The following PNPLA7 variants were observed in gnomAD, a reference collection of about 807,000 sequenced individuals.
The protein encoded by PNPLA7 is patatin-like phospholipase domain-containing protein 7.
A neutral mutation model predicts 161.7 loss-of-function variants in PNPLA7; 153 were observed. The ratio of observed to expected loss-of-function variants is 0.95; its 90% CI spans 0.83 to 1.08. The LOEUF (loss-of-function observed/expected upper bound fraction) is 1.08. PNPLA7 is among the 50% of genes least tolerant of loss of function. The probability of loss-of-function intolerance (pLI) is 0.00; values close to 1 mark genes in which losing one functional copy is unlikely to be tolerated. For synonymous variants in PNPLA7, 809 were observed against 782.1 expected, an observed-to-expected ratio of 1.03 and a Z score of -0.57; for missense variants, 1,739 against 1,856.6, an observed-to-expected ratio of 0.94 and a Z score of 1.16.
Position 137,547,529 on chromosome 9 carries a change from G to A in PNPLA7, c.105+56C>T, listed in dbSNP as rs1376713518. 6.2e-7 allele frequency: 1 copy of A among 1,603,010 alleles called. No individual in the cohort carries two copies. Among genetic ancestry groups the A allele is most frequent in the Admixed American group, 1.7e-5 (1 of 60,004 alleles). ...AGCCAGGGGATGGGGACAGGGAGAG[G>A]TGAAAAAGGCCACGGCCCATCCAGG... On this transcript the variant is annotated intron_variant, in intron 2 of 34. Transcript: ENST00000406427. This position sits in a 1 kb window ranked among gnomAD's most constrained non-coding sequence, Gnocchi z 4.6.
chr9:137,479,413 C>A (rs1832098643), intron 23 of PNPLA7, 175 bp from the exon 24 acceptor site: 1 of 1,305,388 alleles, frequency 7.7e-7, no homozygotes, highest in Non-Finnish European at 9.7e-7. Flanking sequence ...GCTCTGACGG[C>A]AGGGGTCCAT....
chr9:137,540,879 G>A lies in PNPLA7; in HGVS notation c.667-157C>T. ...ACCTTGGATGGAGGGCAGGGGACAA[G>A]ATGGACCTGCTGGCATCAGGGGTAC... is the stretch of plus-strand genomic sequence containing the variant. On this transcript the variant is annotated intron_variant, in intron 7 of 34. Coordinates refer to ENST00000406427, the MANE Select transcript of PNPLA7 (RefSeq NM_001098537.3). The surrounding 1 kb of genome is among the most constrained non-coding windows in gnomAD (Gnocchi z 5.1). 1 of 637,180 alleles carries A rather than the reference G, an allele frequency of 1.6e-6. No individual in the cohort carries two copies. The highest frequency in any genetic ancestry group is 2.8e-6 in the Non-Finnish European group (1 of 355,776). The allele number at this position is 637,180 out of a possible 1,614,324, so 39.5% of individuals were successfully genotyped here.
chr9:137,460,791 C>A, intron 33 of PNPLA7, 54 bp from the exon 34 acceptor site: 2 of 1,510,520 alleles, frequency 1.3e-6, no homozygotes, highest in Non-Finnish European at 1.8e-6. Flanking sequence ...GGACCGTACC[C>A]AGCATAGCCA....
chr9:137,521,616 G>A lies in PNPLA7; in HGVS notation c.957+20C>T. On this transcript the variant is annotated intron_variant, in intron 10 of 34. Coordinates refer to ENST00000406427, the MANE Select transcript of PNPLA7 (RefSeq NM_001098537.3). ...GCTGCATGGAGCAGCATGGGGCTTTGTGAGGTGGTTTTCACTTACAGCGTT... is the reference window on the plus strand; with the variant it reads ...GCTGCATGGAGCAGCATGGGGCTTTATGAGGTGGTTTTCACTTACAGCGTT... 1 of 1,611,004 alleles carries A rather than the reference G, an allele frequency of 6.2e-7. No homozygotes were observed. Among genetic ancestry groups the A allele is most frequent in the African/African-American group, 1.3e-5 (1 of 74,972 alleles).
chr9:137,515,362 C>G lies in PNPLA7; in HGVS notation c.1225+17G>C. Reference sequence around the variant, plus strand: ...CCTGTGGGTCACACTGGCTGGGCAGCCGTCGAGGTTCTTTACCTTGTGGGG... The same window carrying G: ...CCTGTGGGTCACACTGGCTGGGCAGGCGTCGAGGTTCTTTACCTTGTGGGG... On this transcript the variant is annotated intron_variant, in intron 12 of 34. Transcript: ENST00000406427. 1 of 1,594,028 alleles carries G rather than the reference C, an allele frequency of 6.3e-7. No individual in the cohort carries two copies. Among genetic ancestry groups the G allele is most frequent in the East Asian group, 2.3e-5 (1 of 44,036 alleles).
In PNPLA7 at chr9:137,501,632, C is replaced by T; in HGVS notation, c.1551+18G>A. On this transcript the variant is annotated intron_variant, in intron 15 of 34. Coordinates refer to ENST00000406427, the MANE Select transcript of PNPLA7 (RefSeq NM_001098537.3). ...GGCATTGGGTGGTCCCAGTGCCCCC[C>T]CCCAGACCCCCGCTCACCTGGTCTC... is the stretch of plus-strand genomic sequence containing the variant. 1.9e-6 allele frequency: 3 copies of T among 1,609,952 alleles called. No individual in the cohort carries two copies. Among genetic ancestry groups the T allele is most frequent in the Middle Eastern group, 1.7e-4 (1 of 6,048 alleles).
At chr9:137,511,471 A>G (rs1233111752) in intron 12 of PNPLA7, among the ~76,000 whole-genome samples, 17 of 117,960 alleles carry the variant, frequency 1.4e-4, no homozygotes, top group African/African-American at 1.6e-4. Context: ...GTTACTCAGC[A>G]GACCTTGGTC....
At chr9:137,492,092 G>A in intron 20 of PNPLA7, 1 of 985,408 alleles carries the variant, frequency 1.0e-6, no homozygotes, top group African/African-American at 1.7e-5. Flanking sequence ...AAGGGTCAGA[G>A]TCCTTGAGTA....
intron 20 of PNPLA7, chr9:137,492,398 G>T (rs1832806869): frequency 2.0e-5 from 13 of 662,484 alleles, no homozygotes; most frequent in Non-Finnish European, 2.0e-5. Flanking sequence ...CTCCAGTGCT[G>T]CCCACATTGA....
chr9:137,514,891 G>A (rs1037190215), intron 12 of PNPLA7, among the ~76,000 whole-genome samples: 1 of 151,032 alleles, frequency 6.6e-6, no homozygotes, highest in East Asian at 2.0e-4. Context: ...CGGGTCACTC[G>A]GATGTTGATG....
At chr9:137,533,203 C>T (rs1056664893) in intron 8 of PNPLA7, among the ~76,000 whole-genome samples, 1 of 146,986 alleles carries the variant, frequency 6.8e-6, no homozygotes, top group Non-Finnish European at 1.5e-5. Flanking sequence ...GGGGGCACTC[C>T]CAGAGTCCTC....
chr9:137,515,557 G>A lies in PNPLA7; in HGVS notation c.1085-38C>T, dbSNP rs565495466. On this transcript the variant is annotated intron_variant, in intron 11 of 34. Coordinates refer to ENST00000406427, the MANE Select transcript of PNPLA7 (RefSeq NM_001098537.3). ...CAGCCGTAAGCAACCTTGTTTGCAC[G>A]CACTCCCTGGTGTCTGGTGCAGCCC... is the stretch of plus-strand genomic sequence containing the variant. The A allele has an allele frequency of 4.7e-5, 70 of 1,497,230 alleles. 1 individual carries two copies. The highest frequency in any genetic ancestry group is 2.9e-4 in the African/African-American group (21 of 71,970). The allele number at this position is 1,497,230 out of a possible 1,614,324, so 92.7% of individuals were successfully genotyped here.
Position 137,547,545 on chromosome 9 carries a change from C to G in PNPLA7, c.105+40G>C, listed in dbSNP as rs766163505. 2 of 1,609,914 alleles carry G rather than the reference C, an allele frequency of 1.2e-6. No homozygotes were observed. Among genetic ancestry groups the G allele is most frequent in the Non-Finnish European group, 1.7e-6 (2 of 1,176,986 alleles). The stretch of plus-strand genomic sequence containing the variant: ...CAGGGAGAGGTGAAAAAGGCCACGG[C>G]CCATCCAGGTCTGGCTCCAGGGAAG... On this transcript the variant is annotated intron_variant, in intron 2 of 34. Transcript: ENST00000406427. The surrounding 1 kb of genome is among the most constrained non-coding windows in gnomAD (Gnocchi z 4.6).
chr9:137,462,340 G>GT lies in PNPLA7; in HGVS notation c.3493-10dup, dbSNP rs1564277392. ...TCTGCCATGTTCAACACCTGCTGCC[G>GT]TCACAGCCGCCTGAGTCTCCTGCCC... On this transcript the variant is annotated splice_polypyrimidine_tract_variant and intron_variant, in intron 30 of 34. Transcript: ENST00000406427. The GT allele has an allele frequency of 1.3e-6, 2 of 1,589,640 alleles. No homozygotes were observed. Among genetic ancestry groups the GT allele is most frequent in the East Asian group, 4.5e-5 (2 of 44,628 alleles).
Position 137,462,181 on chromosome 9 carries a change from A to C in PNPLA7, c.3643T>G (p.Cys1215Gly). The change falls in exon 31 of 35, where the codon TGC (cysteine) becomes GGC (glycine). Residue 1215 changes from cysteine to glycine, a missense_variant and splice_region_variant. Cys to Gly is a radical substitution (Grantham distance 159, BLOSUM62 -3). Around this residue, in one of 6 missense-constraint regions of PNPLA7, gnomAD observed 703 missense variants for 694.6 expected, o/e 1.01. Transcript: ENST00000406427. ...TLDFGKFNEICEVGYQHGRTV... is the reference protein window; with the variant it reads ...TLDFGKFNEIGEVGYQHGRTV... ...CGCCGCGGGTGGCCGGCACTCACGC[A>C]GATCTCGTTGAACTTGCCGAAGTCC... is the stretch of plus-strand genomic sequence containing the variant. 1 of 1,563,764 alleles carries C rather than the reference A, an allele frequency of 6.4e-7. No homozygotes were observed. Among genetic ancestry groups the C allele is most frequent in the Non-Finnish European group, 8.7e-7 (1 of 1,151,012 alleles).
At position 137,522,799 on chromosome 9, in the gene PNPLA7, AGGATGGTGGACG is replaced by A; in HGVS notation, c.794_805del (p.Pro265_Ile268del). On this transcript the variant is annotated inframe_deletion, in exon 9 of 35. Transcript: ENST00000406427. ...ATGAAAAGCCGCAGCTGGAAGCCGGAGGATGGTGGACGGGATGGCCGCGCGGACGGAGACCGT... is the reference window on the plus strand; with the variant it reads ...ATGAAAAGCCGCAGCTGGAAGCCGGAGGATGGCCGCGCGGACGGAGACCGT... The A allele has an allele frequency of 6.2e-7, 1 of 1,613,860 alleles. No individual in the cohort carries two copies. The highest frequency in any genetic ancestry group is 8.5e-7 in the Non-Finnish European group (1 of 1,179,992).
At chr9:137,527,798 C>T (rs906077162) in intron 8 of PNPLA7, among the ~76,000 whole-genome samples, 3 of 152,162 alleles carry the variant, frequency 2.0e-5, no homozygotes, top group East Asian at 3.8e-4. Flanking sequence ...TCTACTTTTC[C>T]GGAGAAGTTT....
rs1291776434 is a variant in PNPLA7, at chr9:137,486,283, C to T, written c.2198-1547G>A. ...GCCACTCCCTGCAGACGGCGGCCAG[C>T]GGACACCTGCAAGATCCTGGGATGC... is the stretch of plus-strand genomic sequence containing the variant. On this transcript the variant is annotated intron_variant, in intron 20 of 34. Transcript: ENST00000406427. This position sits in a 1 kb window ranked among gnomAD's most constrained non-coding sequence, Gnocchi z 6.0. Among the ~76,000 whole-genome samples the T allele has an allele frequency of 5.3e-5, 8 of 152,088 alleles. No individual in the cohort carries two copies. The East Asian group carries it at 1.2e-3, about 22-fold the overall frequency.
rs1277457427 is a variant in PNPLA7, at chr9:137,541,668, C to T, written c.667-946G>A. The stretch of plus-strand genomic sequence containing the variant: ...ACCACCCTCCAGGAGAGCAACACAG[C>T]GCCAAAGAGGCCACGGCAGGGTCTG... On this transcript the variant is annotated intron_variant, in intron 7 of 34. Coordinates refer to ENST00000406427, the MANE Select transcript of PNPLA7 (RefSeq NM_001098537.3). This position sits in a 1 kb window ranked among gnomAD's most constrained non-coding sequence, Gnocchi z 4.4. Among the ~76,000 whole-genome samples, 1 of 152,216 alleles carries T rather than the reference C, an allele frequency of 6.6e-6. No homozygotes were observed. Among genetic ancestry groups the T allele is most frequent in the East Asian group, 1.9e-4 (1 of 5,204 alleles).
Sources: allele counts gnomAD v4.1 joint callset (sites outside exome capture counted in the v4.1 genomes callset), GRCh38; gene constraint gnomAD v4.1.1; regional missense constraint gnomAD v4.1.1; non-coding constraint Gnocchi (gnomAD v3.1); transcripts MANE v1.5; gene names NCBI Gene and HGNC (gene_info 2026-07-23, HGNC 2026-07-21).